RAB3IP: variants seen among roughly 807,000 people sequenced by gnomAD.
RAB3IP encodes the protein rab-3A-interacting protein.
In RAB3IP, 36 loss-of-function variants were observed where a neutral mutation model predicts 59.1. The ratio of observed to expected loss-of-function variants is 0.61; its 90% CI spans 0.47 to 0.80. RAB3IP has a LOEUF of 0.80. Among genes scored for constraint, RAB3IP ranks in the 30% least tolerant of loss-of-function variants. The probability of loss-of-function intolerance (pLI) is 0.00; values close to 1 mark genes in which losing one functional copy is unlikely to be tolerated. For missense variants in RAB3IP, 511 were observed against 536.0 expected, an observed-to-expected ratio of 0.95 and a Z score of 0.46; for synonymous variants, 207 against 191.2, an observed-to-expected ratio of 1.08 and a Z score of -0.68.
intron 4 of RAB3IP, among the ~76,000 whole-genome samples, chr12:69,793,719 A>T (rs1045954150): frequency 6.6e-5 from 10 of 152,354 alleles, no homozygotes; most frequent in African/African-American, 2.4e-4. Flanking sequence ...TAATACATAT[A>T]AACAGAATGT....
At chr12:69,770,651 C>G (rs1416558039) in intron 3 of RAB3IP, among the ~76,000 whole-genome samples, 4 of 151,966 alleles carry the variant, frequency 2.6e-5, no homozygotes, top group African/African-American at 9.7e-5. Flanking sequence ...TTGTTTCTTT[C>G]CAGTCTTTTT....
chr12:69,794,992 T>G, intron 5 of RAB3IP, 149 bp from the exon 6 acceptor site: 1 of 648,624 alleles, frequency 1.5e-6, no homozygotes, highest in Non-Finnish European at 2.6e-6. Context: ...TCAAAAAACT[T>G]GATTTTAGTT....
At position 69,759,068 on chromosome 12, in the gene RAB3IP, G is replaced by A. The variant is rs1264345265; in HGVS notation, c.510+2405G>A. 2.7e-5 allele frequency among the ~76,000 whole-genome samples: 4 copies of A among 150,332 alleles called. 1 individual carries two copies. Among genetic ancestry groups the A allele is most frequent in the Non-Finnish European group, 5.9e-5 (4 of 67,640 alleles). On this transcript the variant is annotated intron_variant, in intron 3 of 10. Coordinates refer to ENST00000247833, the MANE Select transcript of RAB3IP (RefSeq NM_022456.5). ...GGCAGGGTCATAGGACAATAGTGGAGGGAAGGTCAGCAGATAAACAAGTGA... is the reference window on the plus strand; with the variant it reads ...GGCAGGGTCATAGGACAATAGTGGAAGGAAGGTCAGCAGATAAACAAGTGA...
intron 1 of RAB3IP, chr12:69,740,013 G>A (rs1887150412): frequency 1.4e-6 from 1 of 715,624 alleles, no homozygotes; most frequent in Non-Finnish European, 2.4e-6. Context: ...TCAGTGTCGG[G>A]TTAAAAGCCT....
At position 69,821,639 on chromosome 12, in the gene RAB3IP, GA is replaced by G. The variant is rs1389526931; in HGVS notation, c.*6195del. The G allele has an allele frequency of 1.3e-5, 2 of 152,106 alleles. No individual in the cohort carries two copies. Among genetic ancestry groups the G allele is most frequent in the African/African-American group, 4.8e-5 (2 of 41,414 alleles). The allele number at this position is 152,106 out of a possible 1,614,324, so 9.4% of individuals were successfully genotyped here. A position where few individuals can be genotyped will look rare whatever the true frequency, so the allele number is the denominator to read the frequency against. ...TTTTCTGTTTGTCCATCTTGTTTTT[GA>G]ACAATTGCCAGCATTTAAAAATGAG... On this transcript the variant is annotated 3_prime_UTR_variant, in exon 11 of 11. Transcript: ENST00000247833.
chr12:69,744,004 C>G (rs1263395590), intron 1 of RAB3IP, among the ~76,000 whole-genome samples: 1 of 152,046 alleles, frequency 6.6e-6, no homozygotes, highest in Non-Finnish European at 1.5e-5. Context: ...AAAAATTATA[C>G]TTTTAAGTTC....
intron 1 of RAB3IP, among the ~76,000 whole-genome samples, chr12:69,749,370 C>T (rs1223524353): frequency 6.6e-6 from 1 of 152,200 alleles, no homozygotes; most frequent in Non-Finnish European, 1.5e-5. Context: ...TCTGCCCTGT[C>T]TGTGGAAAAA....
rs1047414158 is a variant in RAB3IP, at chr12:69,818,680, A to G, written c.*3234A>G. 2.6e-5 allele frequency: 4 copies of G among 152,242 alleles called. No individual in the cohort carries two copies. The highest frequency in any genetic ancestry group is 7.2e-5 in the African/African-American group (3 of 41,466). The allele number at this position is 152,242 out of a possible 1,614,324, so 9.4% of individuals were successfully genotyped here. A position where few individuals can be genotyped will look rare whatever the true frequency, so the allele number is the denominator to read the frequency against. On this transcript the variant is annotated 3_prime_UTR_variant, in exon 11 of 11. Transcript: ENST00000247833. Reference sequence around the variant, plus strand: ...CACAATAACTCAGAATGAAAAAGCAATTCTGAGAAAACTATATGTGACATG... The same window carrying G: ...CACAATAACTCAGAATGAAAAAGCAGTTCTGAGAAAACTATATGTGACATG...
rs533844140 is a variant in RAB3IP, at chr12:69,792,945, T to A, written c.607-1492T>A. Among the ~76,000 whole-genome samples, 3 of 152,340 alleles carry A rather than the reference T, an allele frequency of 2.0e-5. No homozygotes were observed. The South Asian group carries it at 6.2e-4, about 32-fold the overall frequency. ...AAAACAGAGTCCATTTCCAAAAATT[T>A]AGTCAACTATTCTCTCCATAGTATG... is the stretch of plus-strand genomic sequence containing the variant. On this transcript the variant is annotated intron_variant, in intron 4 of 10. Transcript: ENST00000247833.
At chr12:69,809,967 A>T (rs2136280407) in intron 8 of RAB3IP, among the ~76,000 whole-genome samples, 1 of 152,152 alleles carries the variant, frequency 6.6e-6, no homozygotes, top group African/African-American at 2.4e-5. Flanking sequence ...GGAGGAGGAG[A>T]GGCGCTCTGA....
intron 4 of RAB3IP, among the ~76,000 whole-genome samples, chr12:69,786,781 C>T (rs1447329312): frequency 8.6e-6 from 1 of 116,876 alleles, no homozygotes; most frequent in African/African-American, 3.2e-5. Flanking sequence ...TGTGAAGGGC[C>T]AGAAATGCAG....
chr12:69,745,173 T>C (rs1257258920), intron 1 of RAB3IP, among the ~76,000 whole-genome samples: 1 of 152,204 alleles, frequency 6.6e-6, no homozygotes, highest in Non-Finnish European at 1.5e-5. Flanking sequence ...TTGAAACAAA[T>C]TGCAAGTCCT....
chr12:69,788,759 T>G (rs1388647277), intron 4 of RAB3IP, among the ~76,000 whole-genome samples: 2 of 152,122 alleles, frequency 1.3e-5, no homozygotes, highest in African/African-American at 4.8e-5. Context: ...ATATACATTC[T>G]TCTCAGGTGC....
Position 69,819,242 on chromosome 12 carries a change from A to G in RAB3IP, c.*3796A>G, listed in dbSNP as rs1306775487. The G allele has an allele frequency of 2.0e-5, 3 of 152,294 alleles. No homozygotes were observed. The highest frequency in any genetic ancestry group is 7.2e-5 in the African/African-American group (3 of 41,580). 9.4% of individuals were successfully genotyped at this position (152,294 alleles called of 1,614,324 possible). ...AAAGGTAAGAAAATTGTTGAATTGC[A>G]TTTGAGAGAGAGGAAAGGAAAGAAT... On this transcript the variant is annotated 3_prime_UTR_variant, in exon 11 of 11. Transcript: ENST00000247833.
chr12:69,759,829 G>A (rs1162065764), intron 3 of RAB3IP, among the ~76,000 whole-genome samples: 186 of 151,742 alleles, frequency 1.2e-3, no homozygotes, highest in African/African-American at 3.9e-3. Flanking sequence ...GGCGGCTGCC[G>A]GGCGGAGGGG....
chr12:69,773,223 C>T (rs1212497914), intron 3 of RAB3IP, among the ~76,000 whole-genome samples: 1 of 151,866 alleles, frequency 6.6e-6, no homozygotes, highest in Non-Finnish European at 1.5e-5. Context: ...TTTCAGAATC[C>T]CCTCCTTGTC....
rs1881767851 is a variant in RAB3IP, at chr12:69,821,716, C to T, written c.*6270C>T. On this transcript the variant is annotated 3_prime_UTR_variant, in exon 11 of 11. Transcript: ENST00000247833. Reference sequence around the variant, plus strand: ...TGCTCTTTTTTAAAATGTGCCGTTTCGACAACACTGAGCCCACAGTCTTGA... The same window carrying T: ...TGCTCTTTTTTAAAATGTGCCGTTTTGACAACACTGAGCCCACAGTCTTGA... 2 of 152,158 alleles carry T rather than the reference C, an allele frequency of 1.3e-5. No individual in the cohort carries two copies. Among genetic ancestry groups the T allele is most frequent in the African/African-American group, 4.8e-5 (2 of 41,442 alleles). 9.4% of individuals were successfully genotyped at this position (152,158 alleles called of 1,614,324 possible). A position where few individuals can be genotyped will look rare whatever the true frequency, so the allele number is the denominator to read the frequency against.
intron 3 of RAB3IP, among the ~76,000 whole-genome samples, chr12:69,782,772 C>G (rs1344615748): frequency 3.3e-5 from 5 of 152,004 alleles, no homozygotes. Context: ...TTTCTTCTTA[C>G]CCCAGTCCAT....
chr12:69,790,730 G>T (rs1202397735), intron 4 of RAB3IP, among the ~76,000 whole-genome samples: 2 of 152,032 alleles, frequency 1.3e-5, no homozygotes, highest in African/African-American at 2.4e-5. Flanking sequence ...GATTACAGGT[G>T]TGCACCACCA....
Sources: gnomAD v4.1 joint callset for allele counts (sites outside exome capture counted in the v4.1 genomes callset) on GRCh38, gnomAD v4.1.1 for gene constraint, MANE v1.5 for transcripts, NCBI Gene and HGNC (gene_info 2026-07-23, HGNC 2026-07-21) for gene names.